Variants in NT5DC2 observed in about 807,000 individuals in gnomAD.
NT5DC2 encodes the protein 5'-nucleotidase domain containing 2.
NT5DC2 carries 41 observed loss-of-function variants against 70.0 expected under a neutral mutation model. The observed-to-expected ratio is 0.59, with a 90% confidence interval of 0.46 to 0.76. The LOEUF is 0.76. Ranked by LOEUF, NT5DC2 falls within the 30% of genes least tolerant of loss-of-function variation. The pLI is 0.00. For missense variants in NT5DC2, 705 were observed against 783.2 expected (o/e 0.90, Z 1.19); for synonymous variants, 299 against 310.4 (o/e 0.96, Z 0.39).
intron 1 of NT5DC2, among the ~76,000 whole-genome samples, chr3:52,530,157 C>T (rs1167367671): frequency 1.3e-5 from 2 of 152,208 alleles, no homozygotes; most frequent in Non-Finnish European, 2.9e-5. Flanking sequence ...GGGAACATTG[C>T]TAATTACGAC....
In NT5DC2 at chr3:52,528,195, G is replaced by C. The variant is rs202071593; in HGVS notation, c.759C>G (p.Tyr253Ter). The C allele has an allele frequency of 3.1e-6, 5 of 1,613,254 alleles. No homozygotes were observed. In the East Asian group the frequency reaches 1.1e-4, roughly 36 times the overall value. ...HSLEFDQAHL[Y>*]KDVTDAIRDV... is the part of the protein sequence containing the mutation. The stretch of plus-strand genomic sequence containing the variant: ...CCAGCATCCTCACCGTCACGTCCTT[G>C]TAGAGATGTGCTTGGTCAAACTCCA... Residue 253 changes from tyrosine to a stop codon, truncating the protein, a stop_gained, in exon 6 of 14, where the codon TAC (tyrosine) becomes TAG (stop). Transcript: ENST00000422318. LOFTEE classifies it high-confidence loss of function.
intron 1 of NT5DC2, chr3:52,532,129 C>G: frequency 2.1e-6 from 2 of 972,448 alleles, no homozygotes; most frequent in Non-Finnish European, 2.4e-6. Context: ...CCTCGGCGCC[C>G]AGAGGTGTGA....
Position 52,524,970 on chromosome 3 carries a change from C to A in NT5DC2, c.1340G>T (p.Arg447Leu). ...WQQALTGLLE[R>L]MQTYQDAESR... ...AGCCACCCCGGCCCACACCTGCATG[C>A]GCTCCAGCAGCCCCGTGAGCGCCTG... Residue 447 changes from arginine (R) to leucine (L), a missense_variant, in exon 12 of 14, where the codon CGC becomes CTC. Coordinates refer to ENST00000422318, the MANE Select transcript of NT5DC2 (RefSeq NM_001134231.2). 1 of 1,611,650 alleles carries A rather than the reference C, an allele frequency of 6.2e-7. No homozygotes were observed. The highest frequency in any genetic ancestry group is 1.3e-5 in the African/African-American group (1 of 75,028).
chr3:52,533,860 G>T, upstream of NT5DC2: 1 of 979,352 alleles, frequency 1.0e-6, no homozygotes, highest in Non-Finnish European at 1.2e-6. Flanking sequence ...CGGCCAATGG[G>T]TGCGGCGCGC....
Position 52,527,354 on chromosome 3 carries a change from C to G in NT5DC2, c.1059G>C (p.Glu353Asp). The change falls in exon 10 of 14, where the codon GAG (glutamate) becomes GAC (aspartate). Residue 353 changes from glutamate (E) to aspartate (D), a missense_variant. By Grantham distance (45) the Glu-to-Asp change is conservative. Transcript: ENST00000422318. ...TCCGGTCCCACTGAAGTGAGCCCTT[C>G]TCATCGAGTTTTCTGAAAGGCCTGG... ...DRRKPFRKLD[E>D]KGSLQWDRIT... 1 of 1,614,162 alleles carries G rather than the reference C, an allele frequency of 6.2e-7. No individual in the cohort carries two copies. The highest frequency in any genetic ancestry group is 2.2e-5 in the East Asian group (1 of 44,890).
In NT5DC2 at chr3:52,524,428, G is replaced by A; in HGVS notation, c.*42C>T. On this transcript the variant is annotated 3_prime_UTR_variant, in exon 14 of 14. Transcript: ENST00000422318. ...TTTATTGCTTGTCTGGGTGGATGGG[G>A]CAGGAGGGGCTGAGGGCCTGTCCCA... The A allele has an allele frequency of 1.2e-6, 2 of 1,612,076 alleles. No individual in the cohort carries two copies. The highest frequency in any genetic ancestry group is 2.2e-5 in the East Asian group (1 of 44,840).
chr3:52,528,011 A>C lies in NT5DC2; in HGVS notation c.832+2T>G, dbSNP rs1228144640. On this transcript the variant is annotated splice_donor_variant, in intron 7 of 13. Coordinates refer to ENST00000422318, the MANE Select transcript of NT5DC2 (RefSeq NM_001134231.2). LOFTEE classifies it high-confidence loss of function. ...CACGGCAGGGCTTCTGTCCACACTT[A>C]CCCATGTCCTGCTCGATCCACTGGT... 1 of 1,611,804 alleles carries C rather than the reference A, an allele frequency of 6.2e-7. No homozygotes were observed. Among genetic ancestry groups the C allele is most frequent in the Admixed American group, 1.7e-5 (1 of 59,766 alleles).
rs2079392880 is a variant in NT5DC2, at chr3:52,533,755, C to T, written c.-18G>A. On this transcript the variant is annotated 5_prime_UTR_variant, in exon 1 of 14. Transcript: ENST00000422318. ...CCCGCCATGCCCACCGCGCGCCGCC[C>T]GCCGCCCGCGCTGCCCTCGGCCAGC... 2 of 971,984 alleles carry T rather than the reference C, an allele frequency of 2.1e-6. No individual in the cohort carries two copies. Among genetic ancestry groups the T allele is most frequent in the Non-Finnish European group, 2.4e-6 (2 of 822,470 alleles). 60.2% of individuals were successfully genotyped at this position (971,984 alleles called of 1,614,324 possible).
At chr3:52,534,258 A>G, upstream of NT5DC2, 1 of 542,268 alleles carries the variant, frequency 1.8e-6, no homozygotes, top group East Asian at 3.4e-5. Context: ...TCCTCCCCCT[A>G]GTCCTGGTGC....
chr3:52,526,051 T>A (rs2079262320), intron 10 of NT5DC2: 1 of 110,110 alleles, frequency 9.1e-6, no homozygotes, highest in South Asian at 2.3e-4. Context: ...GACAGACTCC[T>A]AGTGACTGAC....
chr3:52,529,942 T>C lies in NT5DC2; in HGVS notation c.233-608A>G, dbSNP rs1011396295. 1.3e-5 allele frequency: 2 copies of C among 154,520 alleles called. No individual in the cohort carries two copies. The highest frequency in any genetic ancestry group is 4.8e-5 in the African/African-American group (2 of 41,462). 9.6% of individuals were successfully genotyped at this position (154,520 alleles called of 1,614,324 possible). ...AGGGGCTGGCTCTGTATGGCCAGAC[T>C]AGGGGGTTGAGGCCATGGATGCTGA... On this transcript the variant is annotated intron_variant, in intron 1 of 13. Coordinates refer to ENST00000422318, the MANE Select transcript of NT5DC2 (RefSeq NM_001134231.2). The surrounding 1 kb of genome is among the most constrained non-coding windows in gnomAD (Gnocchi z 4.1).
chr3:52,524,921 A>G (rs1465002782), intron 12 of NT5DC2, 40 bp from the exon 13 acceptor site: 1 of 1,611,034 alleles, frequency 6.2e-7, no homozygotes, highest in South Asian at 1.1e-5. Context: ...TGCACCCAGG[A>G]GGCTACCGCC....
In NT5DC2 at chr3:52,528,232, A is replaced by G. The variant is rs201535413; in HGVS notation, c.722T>C (p.Leu241Pro). Residue 241 changes from leucine (L) to proline (P), a missense_variant, in exon 6 of 14, where the codon CTG (leucine) becomes CCG (proline). Physicochemically the swap from Leu to Pro is moderately conservative, Grantham distance 98. Transcript: ENST00000422318. The stretch of plus-strand genomic sequence containing the variant: ...TTGGTCAAACTCCAGGCTGTGGCCC[A>G]GAAAGTAGTCCACCACACAGGACAG... ...ALLSCVVDYF[L>P]GHSLEFDQAH... 37 of 1,613,392 alleles carry G rather than the reference A, an allele frequency of 2.3e-5. No homozygotes were observed. The highest frequency in any genetic ancestry group is 1.9e-5 in the Non-Finnish European group (22 of 1,180,026).
chr3:52,530,395 A>G (rs2079343408), intron 1 of NT5DC2, among the ~76,000 whole-genome samples: 1 of 152,202 alleles, frequency 6.6e-6, no homozygotes, highest in Non-Finnish European at 1.5e-5. Context: ...TATGTGTACA[A>G]TGGAGAAAGT....
chr3:52,534,700 G>A, upstream of NT5DC2: 1 of 1,569,116 alleles, frequency 6.4e-7, no homozygotes, highest in Non-Finnish European at 8.7e-7. Flanking sequence ...ATACCAGGCT[G>A]TGCTCAGGGT....
chr3:52,524,816 C>T lies in NT5DC2; in HGVS notation c.1412+1G>A. The T allele has an allele frequency of 6.2e-7, 1 of 1,612,542 alleles. No homozygotes were observed. Among genetic ancestry groups the T allele is most frequent in the Non-Finnish European group, 8.5e-7 (1 of 1,179,980 alleles). ...CTCCTGCCCTGGCCCCACCTGCTCA[C>T]CTCAGCTCCTGCCGCTCTTTCATCC... is the stretch of plus-strand genomic sequence containing the variant. On this transcript the variant is annotated splice_donor_variant, in intron 13 of 13. Transcript: ENST00000422318. LOFTEE classifies it high-confidence loss of function.
Position 52,528,652 on chromosome 3 carries a change from A to G in NT5DC2, c.533T>C (p.Leu178Pro). The G allele has an allele frequency of 6.3e-7, 1 of 1,585,640 alleles. No homozygotes were observed. The highest frequency in any genetic ancestry group is 8.6e-7 in the Non-Finnish European group (1 of 1,166,418). ...MKIDAFHYVQ[L>P]GTAYRGLQPV... is the part of the protein sequence containing the mutation. ...GCCGACTGACCTGTAGGCTGTCCCCAGCTGCACGTAGTGGAAGGCGTCAAT... is the reference window on the plus strand; with the variant it reads ...GCCGACTGACCTGTAGGCTGTCCCCGGCTGCACGTAGTGGAAGGCGTCAAT... Residue 178 changes from leucine (L) to proline (P), a missense_variant, in exon 4 of 14, where the codon CTG becomes CCG. Coordinates refer to ENST00000422318, the MANE Select transcript of NT5DC2 (RefSeq NM_001134231.2).
chr3:52,528,676 A>G lies in NT5DC2; in HGVS notation c.509T>C (p.Ile170Thr), dbSNP rs762193930. Residue 170 changes from isoleucine to threonine, a missense_variant, in exon 4 of 14, where the codon ATT becomes ACT. Physicochemically the swap from Ile to Thr is moderately conservative, Grantham distance 89. Coordinates refer to ENST00000422318, the MANE Select transcript of NT5DC2 (RefSeq NM_001134231.2). ...CAGCTGCACGTAGTGGAAGGCGTCA[A>G]TCTTCATCAGAAGGCTCTGGGGGCG... is the stretch of plus-strand genomic sequence containing the variant. ...YDIQKSLLMK[I>T]DAFHYVQLGT... The G allele has an allele frequency of 1.9e-6, 3 of 1,596,784 alleles. No individual in the cohort carries two copies. Among genetic ancestry groups the G allele is most frequent in the Non-Finnish European group, 2.6e-6 (3 of 1,172,060 alleles).
chr3:52,527,800 GTCCC>G (rs2079300437), intron 8 of NT5DC2, 25 bp downstream of exon 8: 8 of 1,612,150 alleles, frequency 5.0e-6, no homozygotes, highest in Non-Finnish European at 6.8e-6. Context: ...TGGCCCTGCT[GTCCC>G]TCCATCCACA....
Sources: gnomAD v4.1 joint callset for allele counts (sites outside exome capture counted in the v4.1 genomes callset) on GRCh38, gnomAD v4.1.1 for gene constraint, Gnocchi (gnomAD v3.1) non-coding constraint, MANE v1.5 for transcripts, NCBI Gene and HGNC (gene_info 2026-07-23, HGNC 2026-07-21) for gene names.